Variants in KAZN observed in about 807,000 individuals in gnomAD.
The protein encoded by KAZN is kazrin.
A neutral mutation model predicts 87.4 loss-of-function variants in KAZN; 40 were observed. That is an observed-to-expected ratio of 0.46 (90% CI 0.36 to 0.60). KAZN has a LOEUF of 0.60. Ranked by LOEUF, KAZN falls within the 20% of genes least tolerant of loss-of-function variation. The probability of loss-of-function intolerance (pLI) is 0.00; values close to 1 mark genes in which losing one functional copy is unlikely to be tolerated. For synonymous variants in KAZN, 466 were observed against 458.3 expected (o/e 1.02, Z -0.22); for missense variants, 898 against 1,073.9 (o/e 0.84, Z 2.29).
chr1:14,883,986 T>A (rs1653772590), intron 1 of KAZN, among the ~76,000 whole-genome samples: 1 of 152,164 alleles, frequency 6.6e-6, no homozygotes. Context: ...GTATGTGTCT[T>A]CTTAGGTGCC....
At chr1:14,304,639 A>G (rs767139569) in intron 2 of KAZN, 9 of 398,368 alleles carry the variant, frequency 2.3e-5, no homozygotes, top group Middle Eastern at 1.2e-3. Flanking sequence ...TGCATTTCCA[A>G]TGATCCAGCA....
At chr1:14,651,373 T>C (rs971817143) in intron 1 of KAZN, among the ~76,000 whole-genome samples, 1 of 152,234 alleles carries the variant, frequency 6.6e-6, no homozygotes, top group Non-Finnish European at 1.5e-5. Context: ...AGTTTGCCTG[T>C]AATGATTGGG....
intron 1 of KAZN, among the ~76,000 whole-genome samples, chr1:14,169,882 T>C (rs1645915379): frequency 6.6e-6 from 1 of 152,146 alleles, no homozygotes; most frequent in Non-Finnish European, 1.5e-5. Flanking sequence ...CAACAGCTAT[T>C]AGACACAGCT....
chr1:14,548,986 C>T (rs1174066907), intron 2 of KAZN, among the ~76,000 whole-genome samples: 1 of 152,158 alleles, frequency 6.6e-6, no homozygotes, highest in Admixed American at 6.5e-5. Flanking sequence ...AACCGGCTTG[C>T]ATATATTTTA....
At chr1:14,005,230 GAGTT>G (rs1258773632) in intron 1 of KAZN, among the ~76,000 whole-genome samples, 1 of 152,198 alleles carries the variant, frequency 6.6e-6, no homozygotes, top group African/African-American at 2.4e-5. Flanking sequence ...TGTGGAGAGA[GAGTT>G]AGGTGGTTCT....
rs991029813 is a variant in KAZN, at chr1:14,856,224, G to A, written c.227-104460G>A. Among the ~76,000 whole-genome samples, 56 of 152,212 alleles carry A rather than the reference G, an allele frequency of 3.7e-4. No homozygotes were observed. The highest frequency in any genetic ancestry group is 1.3e-3 in the African/African-American group (55 of 41,534). On this transcript the variant is annotated intron_variant, in intron 1 of 14. Coordinates refer to ENST00000376030, the MANE Select transcript of KAZN (RefSeq NM_201628.3). The surrounding 1 kb of genome is among the most constrained non-coding windows in gnomAD (Gnocchi z 5.2). ...AATTGGGGAGGGGATGAAAAGAGGG[G>A]AAGGGAAGACCAGAAATAACTTTCC...
chr1:14,883,341 A>AGGGAGGGAGGGAGGGAGGGAGG (rs1653582981), intron 1 of KAZN, among the ~76,000 whole-genome samples: 2 of 29,540 alleles, frequency 6.8e-5, no homozygotes, highest in Non-Finnish European at 7.7e-5. Context: ...AGAGAGAGAG[A>AGGGAGGGAGGGAGGGAGGGAGG]GAAAGAAAGA....
At chr1:14,958,876 G>T (rs1663499513) in intron 1 of KAZN, among the ~76,000 whole-genome samples, 1 of 152,138 alleles carries the variant, frequency 6.6e-6, no homozygotes, top group South Asian at 2.1e-4. Context: ...AGGGTGGGAC[G>T]GCCAGGTGGC....
At chr1:15,024,332 A>G (rs571340727) in intron 2 of KAZN, among the ~76,000 whole-genome samples, 1 of 152,370 alleles carries the variant, frequency 6.6e-6, no homozygotes, top group East Asian at 1.9e-4. Context: ...GGCGACCGGC[A>G]TGGAAAAGCC....
chr1:13,899,016 A>G (rs1176322073), intron 1 of KAZN, among the ~76,000 whole-genome samples: 1 of 152,206 alleles, frequency 6.6e-6, no homozygotes, highest in Non-Finnish European at 1.5e-5. Context: ...AAGCAAGCAC[A>G]CACTTCCTGT....
Position 14,377,828 on chromosome 1 carries a change from C to T in KAZN, c.249+197236C>T, listed in dbSNP as rs181440638. On this transcript the variant is annotated intron_variant, in intron 2 of 16. Coordinates refer to the KAZN transcript ENST00000636203. The stretch of plus-strand genomic sequence containing the variant: ...ATTCTGCCAGCTCATTCTTTGTGCT[C>T]GGAGGCTGTCTACAGGTTTTAGCAA... 1.4e-4 allele frequency among the ~76,000 whole-genome samples: 21 copies of T among 152,258 alleles called. No individual in the cohort carries two copies. In the East Asian group the frequency reaches 1.7e-3, roughly 13 times the overall value.
intron 2 of KAZN, among the ~76,000 whole-genome samples, chr1:14,969,075 C>A (rs1240561271): frequency 6.6e-6 from 1 of 152,212 alleles, no homozygotes; most frequent in Non-Finnish European, 1.5e-5. Flanking sequence ...AAGCTCCCAG[C>A]AGGTGCAGCC....
intron 1 of KAZN, among the ~76,000 whole-genome samples, chr1:14,117,590 G>A (rs910009084): frequency 1.3e-5 from 2 of 152,100 alleles, no homozygotes; most frequent in African/African-American, 4.8e-5. Flanking sequence ...TGGGGGTTGG[G>A]TCAGCAGGTC....
chr1:14,802,535 A>G (rs1393939405), intron 1 of KAZN, among the ~76,000 whole-genome samples: 1 of 152,100 alleles, frequency 6.6e-6, no homozygotes, highest in East Asian at 1.9e-4. Flanking sequence ...GAGACCTGGA[A>G]TGCTGCTCAC....
At chr1:14,122,538 G>C (rs1644774394) in intron 1 of KAZN, among the ~76,000 whole-genome samples, 1 of 152,180 alleles carries the variant, frequency 6.6e-6, no homozygotes, top group African/African-American at 2.4e-5. Context: ...CAATGAGATA[G>C]TTGTTCACCT....
intron 2 of KAZN, among the ~76,000 whole-genome samples, chr1:14,459,574 C>A (rs1667751009): frequency 6.6e-6 from 1 of 152,160 alleles, no homozygotes; most frequent in South Asian, 2.1e-4. Flanking sequence ...AGGCTGGGTT[C>A]CAGCCTATCT....
chr1:14,658,461 A>G (rs1276845939), intron 1 of KAZN, among the ~76,000 whole-genome samples: 1 of 152,190 alleles, frequency 6.6e-6, no homozygotes, highest in Non-Finnish European at 1.5e-5. Flanking sequence ...AGGGGCAGTT[A>G]TGTGAACCAA....
intron 1 of KAZN, among the ~76,000 whole-genome samples, chr1:14,154,964 T>TCCTTCCTA (rs1328571915): frequency 6.6e-6 from 1 of 150,562 alleles, no homozygotes; most frequent in Non-Finnish European, 1.5e-5. Flanking sequence ...CTTCCTTCCT[T>TCCTTCCTA]CCTTCCTTCC....
At chr1:14,482,489 A>T (rs1669135491) in intron 2 of KAZN, among the ~76,000 whole-genome samples, 1 of 151,600 alleles carries the variant, frequency 6.6e-6, no homozygotes, top group Non-Finnish European at 1.5e-5. Context: ...CTTCTCTCAG[A>T]CTCTATTTGC....
Sources: gnomAD v4.1 joint callset for allele counts (sites outside exome capture counted in the v4.1 genomes callset) on GRCh38, gnomAD v4.1.1 for gene constraint, Gnocchi (gnomAD v3.1) non-coding constraint, MANE v1.5 for transcripts, NCBI Gene and HGNC (gene_info 2026-07-23, HGNC 2026-07-21) for gene names.